The following ATP8A2 variants were observed in gnomAD, a reference collection of about 807,000 sequenced individuals.
The protein encoded by ATP8A2 is ATPase phospholipid transporting 8A2.
In ATP8A2, 100 loss-of-function variants were observed where a neutral mutation model predicts 165.6. That is an observed-to-expected ratio of 0.60 (90% CI 0.51 to 0.71). The LOEUF (loss-of-function observed/expected upper bound fraction) is 0.71. Ranked by LOEUF, ATP8A2 falls within the 30% of genes least tolerant of loss-of-function variation. The pLI is 0.00. For synonymous variants in ATP8A2, 543 were observed against 548.8 expected (o/e 0.99, Z 0.15); for missense variants, 1,227 against 1,479.5 (o/e 0.83, Z 2.80).
intron 33 of ATP8A2, among the ~76,000 whole-genome samples, chr13:25,929,789 A>C (rs147933877): frequency 1.3e-5 from 2 of 152,266 alleles, no homozygotes; most frequent in East Asian, 3.9e-4. Flanking sequence ...ATGCCAGTGC[A>C]CTCAAACCTG....
chr13:25,527,151 C>T (rs1467275373), intron 2 of ATP8A2, among the ~76,000 whole-genome samples: 1 of 152,020 alleles, frequency 6.6e-6, no homozygotes, highest in Admixed American at 6.6e-5. Context: ...GGAATGAAGC[C>T]AGCTTGCTTC....
chr13:25,761,798 A>G (rs2044384591), intron 25 of ATP8A2, among the ~76,000 whole-genome samples: 1 of 151,952 alleles, frequency 6.6e-6, no homozygotes, highest in Admixed American at 6.6e-5. Context: ...GTATTTATTA[A>G]GCCTTCAAAG....
chr13:25,606,018 T>G (rs2138402516), intron 24 of ATP8A2, among the ~76,000 whole-genome samples: 1 of 152,294 alleles, frequency 6.6e-6, no homozygotes, highest in African/African-American at 2.4e-5. Flanking sequence ...TTAATTGTAA[T>G]TTATTTACTA....
chr13:25,571,997 C>T (rs369818611), intron 18 of ATP8A2, among the ~76,000 whole-genome samples: 13 of 152,278 alleles, frequency 8.5e-5, no homozygotes, highest in African/African-American at 2.9e-4. Flanking sequence ...ACTTAGCGGC[C>T]CACTTGTCTT....
At chr13:25,754,108 C>A (rs1463062226) in intron 25 of ATP8A2, among the ~76,000 whole-genome samples, 1 of 152,344 alleles carries the variant, frequency 6.6e-6, no homozygotes, top group South Asian at 2.1e-4. Context: ...TATCTCTGCA[C>A]ATCTCCCTTA....
intron 24 of ATP8A2, among the ~76,000 whole-genome samples, chr13:25,644,684 G>A (rs1287127301): frequency 6.6e-6 from 1 of 151,798 alleles, no homozygotes; most frequent in Non-Finnish European, 1.5e-5. Flanking sequence ...TCTAGCCTTG[G>A]GATTTTCTTT....
At chr13:25,966,016 G>A (rs1471212787) in intron 34 of ATP8A2, among the ~76,000 whole-genome samples, 1 of 121,154 alleles carries the variant, frequency 8.3e-6, no homozygotes, top group Non-Finnish European at 1.7e-5. Context: ...AAGAGTCCAG[G>A]GAAAGAGTTT....
At chr13:25,481,999 C>T (rs2036219713) in intron 2 of ATP8A2, among the ~76,000 whole-genome samples, 1 of 152,152 alleles carries the variant, frequency 6.6e-6, no homozygotes, top group Admixed American at 6.5e-5. Context: ...CAGTTCAGTC[C>T]ATAGCACCAC....
intron 10 of ATP8A2, among the ~76,000 whole-genome samples, chr13:25,544,540 A>C (rs532383955): frequency 1.3e-5 from 2 of 152,146 alleles, no homozygotes; most frequent in African/African-American, 4.8e-5. Context: ...AGACTCCCTG[A>C]AGTTGAAGAG....
chr13:25,592,799 A>G (rs2040125435), intron 24 of ATP8A2, among the ~76,000 whole-genome samples: 1 of 152,164 alleles, frequency 6.6e-6, no homozygotes, highest in Non-Finnish European at 1.5e-5. Flanking sequence ...TACCTAGACC[A>G]AAGAGTGGTT....
rs1027941579 is a variant in ATP8A2 at position 25,425,614 on chromosome 13, G to A, written c.77-43363G>A. Among the ~76,000 whole-genome samples, 26 of 149,622 alleles carry A rather than the reference G, an allele frequency of 1.7e-4. 3 individuals are homozygous for A. The highest frequency in any genetic ancestry group is 1.7e-3 in the South Asian group (8 of 4,652). On this transcript the variant is annotated intron_variant, in intron 1 of 36. Coordinates refer to ENST00000381655, the MANE Select transcript of ATP8A2 (RefSeq NM_016529.6). ...TTTTGAGATGGAGTCTTGCTCTGTC[G>A]CCCAGGCTGGAGTGCAATGGCACAA...
At chr13:25,516,932 C>T (rs953705847) in intron 2 of ATP8A2, among the ~76,000 whole-genome samples, 1 of 151,852 alleles carries the variant, frequency 6.6e-6, no homozygotes, top group African/African-American at 2.4e-5. Flanking sequence ...AGGTGCCTGC[C>T]ACCAAGCTCG....
intron 24 of ATP8A2, among the ~76,000 whole-genome samples, chr13:25,609,565 T>G (rs12019524): frequency 8.3e-6 from 1 of 120,774 alleles, no homozygotes; most frequent in Non-Finnish European, 1.8e-5. Flanking sequence ...ATATTTGGAT[T>G]CAAATATATA....
Position 25,386,829 on chromosome 13 carries a change from C to G in ATP8A2, c.76+14541C>G, listed in dbSNP as rs544672351. ...TGGCTAACACGGTGAAACCCCGTCT[C>G]TACTAAAAATACAAAAAAGTAGCCG... On this transcript the variant is annotated intron_variant, in intron 1 of 36. Transcript: ENST00000381655. 1.8e-3 allele frequency among the ~76,000 whole-genome samples: 268 copies of G among 152,188 alleles called. 1 individual carries two copies. The highest frequency in any genetic ancestry group is 3.2e-3 in the Non-Finnish European group (217 of 68,010).
chr13:25,834,558 A>G (rs1951557223), intron 28 of ATP8A2, among the ~76,000 whole-genome samples: 1 of 152,250 alleles, frequency 6.6e-6, no homozygotes, highest in Non-Finnish European at 1.5e-5. Context: ...ATGAATTATT[A>G]TGTGACCATT....
chr13:25,410,035 ATGGGTT>A (rs2033921075), intron 1 of ATP8A2, among the ~76,000 whole-genome samples: 2 of 149,760 alleles, frequency 1.3e-5, no homozygotes, highest in Non-Finnish European at 3.0e-5. Context: ...CATTCTCCTA[ATGGGTT>A]CAGCCATTAG....
At chr13:25,592,002 A>AT (rs1275554037) in intron 24 of ATP8A2, among the ~76,000 whole-genome samples, 3 of 143,156 alleles carry the variant, frequency 2.1e-5, no homozygotes, top group Non-Finnish European at 4.6e-5. Flanking sequence ...ATGGTTTGTG[A>AT]TTTTTCCATA....
At chr13:25,770,780 G>C (rs2044602571) in intron 26 of ATP8A2, among the ~76,000 whole-genome samples, 2 of 152,174 alleles carry the variant, frequency 1.3e-5, no homozygotes, top group Non-Finnish European at 2.9e-5. Context: ...ATAGATGCCT[G>C]CTCATCGGCT....
intron 2 of ATP8A2, among the ~76,000 whole-genome samples, chr13:25,529,179 T>C (rs1163638825): frequency 1.3e-5 from 2 of 152,168 alleles, no homozygotes; most frequent in Non-Finnish European, 2.9e-5. Context: ...GAGTGATGTC[T>C]TCAGAGGGTG....
Sources: allele counts gnomAD v4.1 joint callset (sites outside exome capture counted in the v4.1 genomes callset), GRCh38; gene constraint gnomAD v4.1.1; transcripts MANE v1.5; gene names NCBI Gene and HGNC (gene_info 2026-07-23, HGNC 2026-07-21).